PDE4B: variants seen among roughly 807,000 people sequenced by gnomAD.
PDE4B encodes phosphodiesterase 4B, also known as 3',5'-cyclic-AMP phosphodiesterase 4B.
Under a neutral mutation model 82.2 loss-of-function variants are expected in PDE4B, and 20 were observed. The observed-to-expected ratio is 0.24, with a 90% CI of 0.17 to 0.35. PDE4B has a LOEUF of 0.35. Among genes scored for constraint, PDE4B ranks in the 10% least tolerant of loss-of-function variants. The pLI is 1.00. For synonymous variants in PDE4B, 320 were observed against 318.9 expected, an observed-to-expected ratio of 1.00 and a Z score of -0.04; for missense variants, 655 against 907.2, an observed-to-expected ratio of 0.72 and a Z score of 3.57.
At chr1:66,068,810 T>C (rs1330188842) in intron 3 of PDE4B, among the ~76,000 whole-genome samples, 3 of 151,984 alleles carry the variant, frequency 2.0e-5, no homozygotes, top group Non-Finnish European at 4.4e-5. Flanking sequence ...TTTTCATTGC[T>C]TTGATCAATT....
At chr1:66,177,957 C>A (rs1646969260) in intron 3 of PDE4B, among the ~76,000 whole-genome samples, 1 of 150,830 alleles carries the variant, frequency 6.6e-6, no homozygotes, top group Non-Finnish European at 1.5e-5. Context: ...TACAAAGGAC[C>A]AAGTGTTAGA....
chr1:66,217,295 G>T (rs1304316297), intron 3 of PDE4B, among the ~76,000 whole-genome samples: 1 of 152,098 alleles, frequency 6.6e-6, no homozygotes, highest in Admixed American at 6.6e-5. Context: ...CTTGATAAAG[G>T]TATTCACAGA....
At chr1:66,006,263 G>A (rs767624316) in intron 3 of PDE4B, among the ~76,000 whole-genome samples, 17 of 151,912 alleles carry the variant, frequency 1.1e-4, no homozygotes, top group Admixed American at 2.0e-4. Context: ...GATTGACATC[G>A]CTTAGTGAGT....
chr1:66,298,676 C>T (rs1185735631), intron 7 of PDE4B, among the ~76,000 whole-genome samples: 4 of 152,136 alleles, frequency 2.6e-5, no homozygotes, highest in African/African-American at 9.7e-5. Context: ...CATTATGTGG[C>T]AAGTCAGGTA....
At chr1:66,187,275 A>G (rs142827724) in intron 3 of PDE4B, among the ~76,000 whole-genome samples, 92,657 of 150,882 alleles carry the variant, frequency 0.61, 30,451 homozygotes, top group East Asian at 0.71. Flanking sequence ...GTTCATCAAG[A>G]ATATTGGTCT....
intron 3 of PDE4B, among the ~76,000 whole-genome samples, chr1:65,932,869 A>G (rs752246743): frequency 2.0e-5 from 3 of 152,114 alleles, no homozygotes; most frequent in Non-Finnish European, 4.4e-5. Context: ...CTTGAAGACA[A>G]GTTATTGTTG....
chr1:66,154,319 A>G (rs773476231), intron 3 of PDE4B, among the ~76,000 whole-genome samples: 1 of 152,210 alleles, frequency 6.6e-6, no homozygotes, highest in Non-Finnish European at 1.5e-5. Context: ...AATGTTCTGT[A>G]AGATTCCTGG....
At chr1:66,105,737 G>A (rs1645337158) in intron 3 of PDE4B, among the ~76,000 whole-genome samples, 1 of 152,010 alleles carries the variant, frequency 6.6e-6, no homozygotes, top group African/African-American at 2.4e-5. Flanking sequence ...TTGGCTCTCT[G>A]TTTGTCTGTT....
chr1:66,174,528 C>T (rs937131619), intron 3 of PDE4B, among the ~76,000 whole-genome samples: 3 of 152,040 alleles, frequency 2.0e-5, no homozygotes, highest in Non-Finnish European at 4.4e-5. Context: ...GAGGCCGAGG[C>T]GGGCGGATCA....
At position 65,920,289 on chromosome 1, in the gene PDE4B, C is replaced by G. The variant is rs549773669; in HGVS notation, c.281+1454C>G. 1.3e-4 allele frequency among the ~76,000 whole-genome samples: 20 copies of G among 152,306 alleles called. No homozygotes were observed. The East Asian group carries it at 3.5e-3, about 26-fold the overall frequency. On this transcript the variant is annotated intron_variant, in intron 3 of 16. Transcript: ENST00000341517. ...TGATTGCCCCTACTACTCTCGCAGA[C>G]TATTCTCCTGAAGCCTCTAGAATTT...
intron 3 of PDE4B, among the ~76,000 whole-genome samples, chr1:65,960,537 G>A (rs1000668976): frequency 2.0e-5 from 3 of 151,918 alleles, no homozygotes; most frequent in African/African-American, 7.3e-5. Flanking sequence ...GCATTTTTTA[G>A]GTCATGACTT....
intron 1 of PDE4B, among the ~76,000 whole-genome samples, chr1:65,809,445 CA>C (rs1267911938): frequency 1.3e-5 from 2 of 148,328 alleles, no homozygotes; most frequent in Non-Finnish European, 3.0e-5. Context: ...TGACAGCAAA[CA>C]TATAATTTCA....
chr1:66,270,792 G>C (rs1395254343), intron 7 of PDE4B, among the ~76,000 whole-genome samples: 3 of 152,116 alleles, frequency 2.0e-5, no homozygotes, highest in Admixed American at 1.3e-4. Context: ...AAAGAAAAAG[G>C]AAAGAAAAGA....
chr1:66,290,922 C>G (rs535780317), intron 7 of PDE4B, among the ~76,000 whole-genome samples: 1 of 152,202 alleles, frequency 6.6e-6, no homozygotes, highest in East Asian at 1.9e-4. Flanking sequence ...GACTTTAAGC[C>G]TCAATTCTGG....
At position 66,247,542 on chromosome 1, in the gene PDE4B, G is replaced by T; in HGVS notation, c.364G>T (p.Ala122Ser). 1.2e-6 allele frequency: 2 copies of T among 1,612,682 alleles called. No individual in the cohort carries two copies. Among genetic ancestry groups the T allele is most frequent in the Non-Finnish European group, 1.7e-6 (2 of 1,179,264 alleles). ...ASSSAGLVLHATFPGHSQRRE... is the reference protein window; with the variant it reads ...ASSSAGLVLHSTFPGHSQRRE... ...CTCTTCCGCTGGGCTGGTACTTCAC[G>T]CCACCTTTCCTGGGCACAGCCAGCG... The change falls in exon 4 of 17, where the codon GCC becomes TCC. Residue 122 changes from alanine to serine, a missense_variant. Coordinates refer to ENST00000341517, the MANE Select transcript of PDE4B (RefSeq NM_002600.4).
rs1018240363 is a variant in PDE4B at position 66,285,825 on chromosome 1, C to A, written c.634+19738C>A. ...CAGGCAGGAAGTAACAAGAGCTTAC[C>A]AAAGGCACTGTCAGGAAGAAAGAAC... On this transcript the variant is annotated intron_variant, in intron 7 of 16. Transcript: ENST00000341517. 3.3e-5 allele frequency among the ~76,000 whole-genome samples: 5 copies of A among 152,006 alleles called. No individual in the cohort carries two copies. The South Asian group carries it at 1.0e-3, about 31-fold the overall frequency.
chr1:66,291,693 CAT>C (rs912451635), intron 7 of PDE4B, among the ~76,000 whole-genome samples: 4 of 152,154 alleles, frequency 2.6e-5, no homozygotes, highest in African/African-American at 9.7e-5. Flanking sequence ...TGTGCTGACA[CAT>C]GTGACAGCAT....
At chr1:65,837,550 G>T (rs563356484) in intron 1 of PDE4B, among the ~76,000 whole-genome samples, 6 of 152,314 alleles carry the variant, frequency 3.9e-5, no homozygotes, top group African/African-American at 1.4e-4. Context: ...GGAGGTTGCC[G>T]TGAGTCTGGA....
chr1:65,828,548 C>A (rs1382388439), intron 1 of PDE4B, among the ~76,000 whole-genome samples: 1 of 152,010 alleles, frequency 6.6e-6, no homozygotes, highest in East Asian at 1.9e-4. Flanking sequence ...ACCTGGTCTC[C>A]TTATTTTTAT....
Sources: gnomAD v4.1 joint callset for allele counts (sites outside exome capture counted in the v4.1 genomes callset) on GRCh38, gnomAD v4.1.1 for gene constraint, MANE v1.5 for transcripts, NCBI Gene and HGNC (gene_info 2026-07-23, HGNC 2026-07-21) for gene names.